EXOC4: variants seen among roughly 807,000 people sequenced by gnomAD.
EXOC4 encodes exocyst complex component 4.
A neutral mutation model predicts 107.2 loss-of-function variants in EXOC4; 71 were observed. The ratio of observed to expected loss-of-function variants is 0.66; its 90% CI spans 0.55 to 0.81. The LOEUF (loss-of-function observed/expected upper bound fraction) is 0.81. Among genes scored for constraint, EXOC4 ranks in the 30% least tolerant of loss-of-function variants. The pLI is 0.00. For synonymous variants in EXOC4, 456 were observed against 441.2 expected (o/e 1.03, Z -0.42); for missense variants, 1,108 against 1,189.6 (o/e 0.93, Z 1.01).
chr7:133,303,717 A>G (rs1418094094), intron 3 of EXOC4, among the ~76,000 whole-genome samples: 2 of 152,198 alleles, frequency 1.3e-5, no homozygotes. Flanking sequence ...TTCTGAGACT[A>G]CCTTTGATAA....
intron 10 of EXOC4, among the ~76,000 whole-genome samples, chr7:133,648,073 T>C (rs968039693): frequency 2.0e-5 from 3 of 152,172 alleles, no homozygotes; most frequent in Non-Finnish European, 2.9e-5. Flanking sequence ...CTAATATAGG[T>C]CTAATTACTC....
At chr7:133,688,814 C>A (rs561479534) in intron 10 of EXOC4, among the ~76,000 whole-genome samples, 3 of 151,994 alleles carry the variant, frequency 2.0e-5, no homozygotes, top group Non-Finnish European at 2.9e-5. Context: ...ACTTAAGAAA[C>A]CAGAGGATTC....
At chr7:133,619,352 C>A (rs1025013094) in intron 9 of EXOC4, among the ~76,000 whole-genome samples, 3 of 152,174 alleles carry the variant, frequency 2.0e-5, no homozygotes, top group Admixed American at 2.0e-4. Flanking sequence ...TTTAAGCACA[C>A]CTCTGTGCGT....
intron 9 of EXOC4, among the ~76,000 whole-genome samples, chr7:133,542,557 G>T (rs1319218382): frequency 2.0e-5 from 3 of 152,172 alleles, no homozygotes; most frequent in Admixed American, 1.3e-4. Context: ...GACTGGCCTT[G>T]GGGTAAAGGT....
intron 10 of EXOC4, among the ~76,000 whole-genome samples, chr7:133,801,986 A>G (rs921031209): frequency 2.0e-5 from 3 of 152,238 alleles, no homozygotes; most frequent in African/African-American, 7.2e-5. Flanking sequence ...ACCAAAATAT[A>G]TAAAACTTAG....
At chr7:133,775,683 A>T (rs1377927693) in intron 10 of EXOC4, among the ~76,000 whole-genome samples, 1 of 152,198 alleles carries the variant, frequency 6.6e-6, no homozygotes, top group African/African-American at 2.4e-5. Flanking sequence ...GAAAATGTAC[A>T]GGATTTTTTC....
chr7:133,775,358 C>T (rs140448012), intron 10 of EXOC4, among the ~76,000 whole-genome samples: 237 of 152,278 alleles, frequency 1.6e-3, no homozygotes, highest in Non-Finnish European at 2.6e-3. Flanking sequence ...GGAGAAATGA[C>T]GTCAAGCCAC....
At chr7:133,991,026 A>G (rs1299615243) in intron 14 of EXOC4, among the ~76,000 whole-genome samples, 1 of 152,118 alleles carries the variant, frequency 6.6e-6, no homozygotes, top group Non-Finnish European at 1.5e-5. Flanking sequence ...TGGTTATACT[A>G]ATTTACATTC....
At chr7:133,862,430 C>G (rs1198031039) in intron 11 of EXOC4, among the ~76,000 whole-genome samples, 2 of 152,070 alleles carry the variant, frequency 1.3e-5, no homozygotes, top group Non-Finnish European at 2.9e-5. Context: ...TTGCAGTGAG[C>G]TGAGATCACA....
At chr7:133,363,712 G>A (rs1322374900) in intron 6 of EXOC4, among the ~76,000 whole-genome samples, 2 of 151,568 alleles carry the variant, frequency 1.3e-5, no homozygotes, top group African/African-American at 4.8e-5. Context: ...GAGACAATCT[G>A]TTTCATGGAC....
intron 1 of EXOC4, among the ~76,000 whole-genome samples, chr7:133,265,940 G>C (rs552558651): frequency 6.6e-6 from 1 of 152,264 alleles, no homozygotes; most frequent in South Asian, 2.1e-4. Context: ...TTCTGACTAA[G>C]GAGAGTGACT....
At chr7:133,539,990 T>C (rs1409950738) in intron 9 of EXOC4, among the ~76,000 whole-genome samples, 3 of 152,124 alleles carry the variant, frequency 2.0e-5, no homozygotes, top group Non-Finnish European at 2.9e-5. Flanking sequence ...TGCTTGATGA[T>C]TTTTTGATAA....
chr7:133,506,407 G>A (rs1216005764), intron 9 of EXOC4, among the ~76,000 whole-genome samples: 2 of 152,072 alleles, frequency 1.3e-5, no homozygotes, highest in East Asian at 3.9e-4. Context: ...GGTCTGGAAA[G>A]GTATAAGAAA....
At chr7:133,372,723 T>A (rs1158857327) in intron 6 of EXOC4, among the ~76,000 whole-genome samples, 1 of 152,190 alleles carries the variant, frequency 6.6e-6, no homozygotes, top group Non-Finnish European at 1.5e-5. Context: ...CAATCCTGTA[T>A]CTAGAACTTC....
At chr7:133,378,828 G>A (rs1310158324) in intron 7 of EXOC4, among the ~76,000 whole-genome samples, 1 of 151,864 alleles carries the variant, frequency 6.6e-6, no homozygotes, top group Non-Finnish European at 1.5e-5. Flanking sequence ...ACAAAGATAG[G>A]ATGAATAGAA....
intron 7 of EXOC4, among the ~76,000 whole-genome samples, chr7:133,465,338 T>C (rs1372511322): frequency 1.3e-5 from 2 of 152,198 alleles, no homozygotes; most frequent in Non-Finnish European, 2.9e-5. Flanking sequence ...TGTCTTTGTT[T>C]TTTAAGAGTG....
At chr7:133,355,443 A>G (rs1796000592) in intron 5 of EXOC4, among the ~76,000 whole-genome samples, 1 of 152,084 alleles carries the variant, frequency 6.6e-6, no homozygotes, top group Non-Finnish European at 1.5e-5. Flanking sequence ...GAAACCCGGA[A>G]TTCCTATGTG....
At chr7:133,471,922 C>T (rs1798888961) in intron 7 of EXOC4, among the ~76,000 whole-genome samples, 2 of 152,020 alleles carry the variant, frequency 1.3e-5, no homozygotes, top group Non-Finnish European at 2.9e-5. Flanking sequence ...TTTAGGAGTT[C>T]AGGAAAGGGT....
chr7:133,354,983 A>C (rs1005324086), intron 5 of EXOC4, among the ~76,000 whole-genome samples: 1 of 152,146 alleles, frequency 6.6e-6, no homozygotes, highest in Non-Finnish European at 1.5e-5. Context: ...AATCCTCCTT[A>C]AGAGCGTTTT....
Sources: gnomAD v4.1 joint callset for allele counts (sites outside exome capture counted in the v4.1 genomes callset) on GRCh38, gnomAD v4.1.1 for gene constraint, MANE v1.5 for transcripts, NCBI Gene and HGNC (gene_info 2026-07-23, HGNC 2026-07-21) for gene names.